SUSD4: variants seen among roughly 807,000 people sequenced by gnomAD.
SUSD4 encodes the protein sushi domain containing 4, also known as sushi domain-containing protein 4.
In SUSD4, 41 loss-of-function variants were observed where a neutral mutation model predicts 50.5. That is an observed-to-expected ratio of 0.81 (90% CI 0.63 to 1.05). The LOEUF is 1.05. SUSD4 is among the 50% of genes least tolerant of loss of function. SUSD4 has a pLI of 0.00. For missense variants in SUSD4, 580 were observed against 634.7 expected, an observed-to-expected ratio of 0.91 and a Z score of 0.93; for synonymous variants, 257 against 257.3, an observed-to-expected ratio of 1.00 and a Z score of 0.01.
chr1:223,258,603 G>A (rs1661869793), intron 5 of SUSD4, among the ~76,000 whole-genome samples: 1 of 152,208 alleles, frequency 6.6e-6, no homozygotes, highest in East Asian at 1.9e-4. Context: ...GGCTTCCAAG[G>A]GGGTCGGGTT....
chr1:223,270,210 T>C (rs1662812381), intron 3 of SUSD4, among the ~76,000 whole-genome samples: 2 of 152,190 alleles, frequency 1.3e-5, no homozygotes, highest in African/African-American at 4.8e-5. Flanking sequence ...TGAAGTCAAA[T>C]GCTTGTAAGC....
intron 3 of SUSD4, among the ~76,000 whole-genome samples, chr1:223,285,887 G>A (rs1664104733): frequency 1.3e-5 from 2 of 152,134 alleles, no homozygotes; most frequent in Non-Finnish European, 2.9e-5. Flanking sequence ...TACCTATGGG[G>A]TACTAGGCTT....
intron 2 of SUSD4, among the ~76,000 whole-genome samples, chr1:223,335,900 T>A (rs570031706): frequency 4.6e-5 from 7 of 152,220 alleles, no homozygotes; most frequent in Non-Finnish European, 8.8e-5. Flanking sequence ...TTAAGAAAAA[T>A]TTTTAATTCT....
intron 5 of SUSD4, 76 bp downstream of exon 5, chr1:223,264,554 A>C: frequency 6.4e-7 from 1 of 1,570,260 alleles, no homozygotes. Flanking sequence ...CATAATTCAC[A>C]GCTCTTCCTC....
chr1:223,316,734 G>A (rs768473634), intron 2 of SUSD4, among the ~76,000 whole-genome samples: 44 of 152,170 alleles, frequency 2.9e-4, no homozygotes, highest in Non-Finnish European at 6.2e-4. Context: ...CAGAGGCTCA[G>A]AGAAGTCAAG....
chr1:223,332,409 G>A lies in SUSD4; in HGVS notation c.148+30869C>T, dbSNP rs1667226443. ...AAAAGGATTAAATTGCTTTGGTGAG[G>A]TCTCTTACAAAAATTGGATATTTAC... On this transcript the variant is annotated intron_variant, in intron 2 of 8. Coordinates refer to ENST00000366878, the MANE Select transcript of SUSD4 (RefSeq NM_017982.4). The surrounding 1 kb of genome is among the most constrained non-coding windows in gnomAD (Gnocchi z 4.0). 6.6e-6 allele frequency among the ~76,000 whole-genome samples: 1 copy of A among 152,150 alleles called. No homozygotes were observed. The highest frequency in any genetic ancestry group is 2.4e-5 in the African/African-American group (1 of 41,422).
chr1:223,222,088 A>C lies in SUSD4; in HGVS notation c.*104T>G. ...GTGAACTGTGGTCCCCATGTAGACA[A>C]GTTAGACATTTTGCCCCCAGGCTCT... is the stretch of plus-strand genomic sequence containing the variant. On this transcript the variant is annotated 3_prime_UTR_variant, in exon 9 of 9. Coordinates refer to ENST00000366878, the MANE Select transcript of SUSD4 (RefSeq NM_017982.4). The C allele has an allele frequency of 8.5e-7, 1 of 1,169,604 alleles. No individual in the cohort carries two copies. 72.5% of individuals were successfully genotyped at this position (1,169,604 alleles called of 1,614,324 possible).
At chr1:223,341,573 C>T (rs952901675) in intron 2 of SUSD4, among the ~76,000 whole-genome samples, 1 of 152,088 alleles carries the variant, frequency 6.6e-6, no homozygotes, top group Non-Finnish European at 1.5e-5. Context: ...GAAATGCCAG[C>T]GGTCTCCAGA....
intron 2 of SUSD4, among the ~76,000 whole-genome samples, chr1:223,337,350 G>A (rs962276226): frequency 7.9e-5 from 12 of 152,200 alleles, no homozygotes; most frequent in Admixed American, 7.2e-4. Context: ...TCAAATGTTA[G>A]TACAATGCAT....
At chr1:223,222,555 G>T (rs1486441892) in intron 8 of SUSD4, among the ~76,000 whole-genome samples, 2 of 152,220 alleles carry the variant, frequency 1.3e-5, no homozygotes, top group Non-Finnish European at 2.9e-5. Flanking sequence ...AAGGAACACT[G>T]TGGTGGCCCA....
chr1:223,348,729 T>C (rs1290252845), intron 2 of SUSD4, among the ~76,000 whole-genome samples: 1 of 152,194 alleles, frequency 6.6e-6, no homozygotes, highest in Non-Finnish European at 1.5e-5. Context: ...TCTTGAGAAC[T>C]GTTTCCTTCT....
intron 4 of SUSD4, 69 bp downstream of exon 4, chr1:223,268,433 T>C: frequency 2.0e-6 from 3 of 1,534,960 alleles, no homozygotes; most frequent in African/African-American, 2.8e-5. Flanking sequence ...TAGATAAACA[T>C]GTACACAGTC....
chr1:223,285,363 A>G (rs61838193), intron 3 of SUSD4, among the ~76,000 whole-genome samples: 1,919 of 152,202 alleles, frequency 0.013, 26 homozygotes, highest in South Asian at 0.034. Context: ...TTCTCCTTCA[A>G]CTGCTGCCTC....
intron 2 of SUSD4, among the ~76,000 whole-genome samples, chr1:223,339,976 G>T (rs1267447703): frequency 6.6e-6 from 1 of 152,172 alleles, no homozygotes; most frequent in Non-Finnish European, 1.5e-5. Flanking sequence ...GCAGAACCAC[G>T]ACACTCAACT....
intron 5 of SUSD4, among the ~76,000 whole-genome samples, chr1:223,247,355 G>C (rs1158328146): frequency 6.6e-6 from 1 of 152,196 alleles, no homozygotes; most frequent in Non-Finnish European, 1.5e-5. Context: ...GAATGGAAAT[G>C]ATCTCCTAGG....
At position 223,363,455 on chromosome 1, in the gene SUSD4, A is replaced by G. The variant is rs1015902457; in HGVS notation, c.-30T>C. 2 of 1,506,516 alleles carry G rather than the reference A, an allele frequency of 1.3e-6. No individual in the cohort carries two copies. The highest frequency in any genetic ancestry group is 2.0e-5 in the Admixed American group (1 of 49,078). 93.3% of individuals were successfully genotyped at this position (1,506,516 alleles called of 1,614,324 possible). ...CATCCACAGAGGGCATCCAGCTTGCAAGAGTCTGCAACCAGAAGCGGAACA... is the reference window on the plus strand; with the variant it reads ...CATCCACAGAGGGCATCCAGCTTGCGAGAGTCTGCAACCAGAAGCGGAACA... On this transcript the variant is annotated 5_prime_UTR_variant, in exon 2 of 9. Transcript: ENST00000366878.
At chr1:223,324,706 G>A (rs76574659) in intron 2 of SUSD4, among the ~76,000 whole-genome samples, 2 of 150,794 alleles carry the variant, frequency 1.3e-5, no homozygotes, top group African/African-American at 4.9e-5. Flanking sequence ...CTTTCTTAGA[G>A]GGGCCTGCAG....
intron 2 of SUSD4, among the ~76,000 whole-genome samples, chr1:223,325,396 A>G (rs1037033343): frequency 6.6e-6 from 1 of 152,198 alleles, no homozygotes; most frequent in Non-Finnish European, 1.5e-5. Context: ...AATTCCAAGG[A>G]AAGAAAATTC....
At chr1:223,226,915 G>A (rs1237128045) in intron 7 of SUSD4, among the ~76,000 whole-genome samples, 1 of 152,184 alleles carries the variant, frequency 6.6e-6, no homozygotes. Flanking sequence ...TGATTTGCCA[G>A]CAGTAGTGCT....
Sources: allele counts gnomAD v4.1 joint callset (sites outside exome capture counted in the v4.1 genomes callset), GRCh38; gene constraint gnomAD v4.1.1; non-coding constraint Gnocchi (gnomAD v3.1); transcripts MANE v1.5; gene names NCBI Gene and HGNC (gene_info 2026-07-23, HGNC 2026-07-21).